The following ADGRB1 variants were observed in gnomAD, a reference collection of about 807,000 sequenced individuals.
ADGRB1 encodes the protein adhesion G protein-coupled receptor B1.
ADGRB1 carries 36 observed loss-of-function variants against 175.7 expected under a neutral mutation model. The observed-to-expected ratio is 0.20, with a 90% CI of 0.16 to 0.27. ADGRB1 has a LOEUF of 0.27. Among genes scored for constraint, ADGRB1 ranks in the 10% least tolerant of loss-of-function variants. The probability of loss-of-function intolerance (pLI) is 1.00; values close to 1 mark genes in which losing one functional copy is unlikely to be tolerated. For missense variants in ADGRB1, 1,731 were observed against 2,255.3 expected (o/e 0.77, Z 4.71); for synonymous variants, 1,054 against 979.4 (o/e 1.08, Z -1.42).
At chr8:142,470,334 C>T (rs537322589) in intron 2 of ADGRB1, among the ~76,000 whole-genome samples, 4 of 152,228 alleles carry the variant, frequency 2.6e-5, no homozygotes, top group Non-Finnish European at 4.4e-5. Context: ...ATTGCACGAG[C>T]GACATGGAAG....
At chr8:142,478,752 T>A (rs2131808857) in intron 7 of ADGRB1, among the ~76,000 whole-genome samples, 1 of 134,448 alleles carries the variant, frequency 7.4e-6, no homozygotes, top group African/African-American at 2.9e-5. Flanking sequence ...GGGTGCACAG[T>A]GGGACTTGGG....
chr8:142,520,812 A>C lies in ADGRB1; in HGVS notation c.2922-11A>C. On this transcript the variant is annotated splice_polypyrimidine_tract_variant and intron_variant, in intron 19 of 30. Coordinates refer to ENST00000517894, the MANE Select transcript of ADGRB1 (RefSeq NM_001702.3). ...TTGGGTGCTGACCTTGGGCCCCTGCACTCTCCACAGGTACATTCGCTCAGA... is the reference window on the plus strand; with the variant it reads ...TTGGGTGCTGACCTTGGGCCCCTGCCCTCTCCACAGGTACATTCGCTCAGA... 6.2e-7 allele frequency: 1 copy of C among 1,611,752 alleles called. No homozygotes were observed. The highest frequency in any genetic ancestry group is 8.5e-7 in the Non-Finnish European group (1 of 1,178,352).
rs754843134 is a variant in ADGRB1 at position 142,474,002 on chromosome 8, T to C, written c.785-1472T>C. Among the ~76,000 whole-genome samples, 5 of 152,204 alleles carry C rather than the reference T, an allele frequency of 3.3e-5. No individual in the cohort carries two copies. Among genetic ancestry groups the C allele is most frequent in the Non-Finnish European group, 5.9e-5 (4 of 68,014 alleles). On this transcript the variant is annotated intron_variant, in intron 2 of 30. Transcript: ENST00000517894. The surrounding 1 kb of genome is among the most constrained non-coding windows in gnomAD (Gnocchi z 5.8). ...GACAATGCCACACGCCGTCCTCTCA[T>C]ATCCTTTTTTGCTGTTTGACTTCCC...
intron 17 of ADGRB1, among the ~76,000 whole-genome samples, chr8:142,496,101 GCTGGATGT>G (rs1489733155): frequency 2.6e-5 from 4 of 151,594 alleles, no homozygotes; most frequent in South Asian, 2.1e-4. Context: ...TGGGTGGCTG[GCTGGATGT>G]ATAGATGGTA....
chr8:142,452,955 C>T (rs1434217117), intron 1 of ADGRB1, among the ~76,000 whole-genome samples: 5 of 147,774 alleles, frequency 3.4e-5, no homozygotes, highest in African/African-American at 1.2e-4. Flanking sequence ...CCTGCCCGCC[C>T]CTTCCGTCTC....
chr8:142,500,523 T>C (rs1188916902), intron 17 of ADGRB1, among the ~76,000 whole-genome samples: 1 of 151,172 alleles, frequency 6.6e-6, no homozygotes, highest in Non-Finnish European at 1.5e-5. Context: ...GCCACGGGGA[T>C]GGGCCTGGAA....
Position 142,537,785 on chromosome 8 carries a change from C to T in ADGRB1, c.3666+703C>T, listed in dbSNP as rs766698577. Among the ~76,000 whole-genome samples the T allele has an allele frequency of 6.6e-6, 1 of 152,166 alleles. No individual in the cohort carries two copies. Among genetic ancestry groups the T allele is most frequent in the Non-Finnish European group, 1.5e-5 (1 of 68,006 alleles). ...AGGGCGGCCCAAGTGGCGGTTCCTACGTAAGGGCCCCCAACAGCCCCCTGT... is the reference window on the plus strand; with the variant it reads ...AGGGCGGCCCAAGTGGCGGTTCCTATGTAAGGGCCCCCAACAGCCCCCTGT... On this transcript the variant is annotated intron_variant, in intron 26 of 30. Coordinates refer to ENST00000517894, the MANE Select transcript of ADGRB1 (RefSeq NM_001702.3). This position sits in a 1 kb window ranked among gnomAD's most constrained non-coding sequence, Gnocchi z 4.6.
intron 8 of ADGRB1, 91 bp from the exon 9 acceptor site, chr8:142,479,602 T>C (rs2131814767): frequency 1.3e-6 from 2 of 1,549,270 alleles, no homozygotes; most frequent in South Asian, 2.4e-5. Context: ...GTCCTCATAA[T>C]GATGCCTGCT....
At chr8:142,539,605 T>C (rs2132270702) in intron 27 of ADGRB1, 192 bp downstream of exon 27, 1 of 663,056 alleles carries the variant, frequency 1.5e-6, no homozygotes. Flanking sequence ...TCCACCCCCG[T>C]CCACTTCCTG....
chr8:142,498,254 G>GC (rs1201803414), intron 17 of ADGRB1, among the ~76,000 whole-genome samples: 2 of 152,202 alleles, frequency 1.3e-5, no homozygotes, highest in Non-Finnish European at 2.9e-5. Context: ...CAGAGCAGAA[G>GC]CCCCCGAGGG....
At chr8:142,468,562 CATTT>C (rs1353925873) in intron 2 of ADGRB1, among the ~76,000 whole-genome samples, 2 of 152,180 alleles carry the variant, frequency 1.3e-5, no homozygotes, top group African/African-American at 4.8e-5. Context: ...TAGTAATAGT[CATTT>C]ATTGAGTGTT....
At chr8:142,470,970 G>A (rs112624530) in intron 2 of ADGRB1, among the ~76,000 whole-genome samples, 9 of 152,216 alleles carry the variant, frequency 5.9e-5, no homozygotes, top group African/African-American at 1.9e-4. Context: ...CAGAGGGAGC[G>A]GCAAAGCCTG....
In ADGRB1 at chr8:142,504,348, C is replaced by T. The variant is rs1842758266; in HGVS notation, c.2676-6584C>T. On this transcript the variant is annotated intron_variant, in intron 17 of 30. Transcript: ENST00000517894. The surrounding 1 kb of genome is among the most constrained non-coding windows in gnomAD (Gnocchi z 5.6). ...GCCAGGGGACCAGCCAGGACCAGGG[C>T]CTGGAGGCAGCAGAGGGCGTGTGTT... 6.6e-6 allele frequency among the ~76,000 whole-genome samples: 1 copy of T among 152,170 alleles called. No homozygotes were observed. Among genetic ancestry groups the T allele is most frequent in the African/African-American group, 2.4e-5 (1 of 41,450 alleles).
intron 27 of ADGRB1, 50 bp downstream of exon 27, chr8:142,539,463 G>T (rs1303220455): frequency 6.3e-7 from 1 of 1,580,448 alleles, no homozygotes; most frequent in Non-Finnish European, 8.6e-7. Flanking sequence ...CCCCTGCATG[G>T]CCCCACTCCA....
intron 17 of ADGRB1, among the ~76,000 whole-genome samples, chr8:142,495,099 G>A (rs113097188): frequency 2.6e-5 from 4 of 152,294 alleles, no homozygotes; most frequent in African/African-American, 4.8e-5. Context: ...CAGTGATTAC[G>A]TGGCTGAATG....
chr8:142,472,774 G>A (rs1840738974), intron 2 of ADGRB1, among the ~76,000 whole-genome samples: 1 of 152,164 alleles, frequency 6.6e-6, no homozygotes, highest in Non-Finnish European at 1.5e-5. Context: ...CAAGATCAGA[G>A]GTCAGTCTGT....
intron 1 of ADGRB1, among the ~76,000 whole-genome samples, chr8:142,461,901 C>G (rs1315251884): frequency 6.6e-6 from 1 of 152,114 alleles, no homozygotes; most frequent in African/African-American, 2.4e-5. Context: ...CAGGCTCTGC[C>G]GACACTCAGC....
At chr8:142,494,852 A>T (rs1842140070) in intron 17 of ADGRB1, among the ~76,000 whole-genome samples, 1 of 151,744 alleles carries the variant, frequency 6.6e-6, no homozygotes, top group African/African-American at 2.4e-5. Context: ...GGGAATGGGG[A>T]TGCTAGGGAG....
chr8:142,457,226 A>G (rs76320865), intron 1 of ADGRB1, among the ~76,000 whole-genome samples: 22,318 of 152,122 alleles, frequency 0.15, 1,810 homozygotes, highest in East Asian at 0.21. Flanking sequence ...AGTCACTAGG[A>G]GCCGGTCGGT....
Sources: allele counts gnomAD v4.1 joint callset (sites outside exome capture counted in the v4.1 genomes callset), GRCh38; gene constraint gnomAD v4.1.1; non-coding constraint Gnocchi (gnomAD v3.1); transcripts MANE v1.5; gene names NCBI Gene and HGNC (gene_info 2026-07-23, HGNC 2026-07-21).